The following PCDH9 variants were observed in gnomAD, a reference collection of about 807,000 sequenced individuals.
The protein encoded by PCDH9 is protocadherin 9, also known as protocadherin-9.
PCDH9 carries 24 observed loss-of-function variants against 70.6 expected under a neutral mutation model. The observed-to-expected ratio is 0.34, with a 90% CI of 0.25 to 0.48. The LOEUF is 0.48. Ranked by LOEUF, PCDH9 falls within the 20% of genes least tolerant of loss-of-function variation. The pLI, the probability that PCDH9 is intolerant of heterozygous loss-of-function variation, is 0.99. For synonymous variants in PCDH9, 562 were observed against 558.5 expected (o/e 1.01, Z -0.09); for missense variants, 1,281 against 1,503.6 (o/e 0.85, Z 2.45).
chr13:67,141,165 G>A (rs572241935), intron 2 of PCDH9, among the ~76,000 whole-genome samples: 219 of 152,230 alleles, frequency 1.4e-3, no homozygotes, highest in Non-Finnish European at 2.7e-3. Context: ...AAAGCCTTAC[G>A]ATAGACAAAA....
At chr13:67,051,537 T>G (rs1318477415) in intron 2 of PCDH9, among the ~76,000 whole-genome samples, 1 of 151,554 alleles carries the variant, frequency 6.6e-6, no homozygotes, top group Non-Finnish European at 1.5e-5. Context: ...GGATTACAGG[T>G]GCGTGCCACC....
At chr13:66,991,098 C>G (rs1007072479) in intron 2 of PCDH9, 1 of 151,970 alleles carries the variant, frequency 6.6e-6, no homozygotes, top group African/African-American at 2.4e-5. Flanking sequence ...GGACCAGAGT[C>G]GGTAATATAT....
At chr13:66,447,820 A>G (rs1958125316) in intron 4 of PCDH9, among the ~76,000 whole-genome samples, 2 of 152,208 alleles carry the variant, frequency 1.3e-5, no homozygotes, top group Admixed American at 6.5e-5. Flanking sequence ...GTAAAACATA[A>G]TTAGATTATT....
chr13:66,753,579 T>A (rs2079493313), intron 3 of PCDH9, among the ~76,000 whole-genome samples: 1 of 152,186 alleles, frequency 6.6e-6, no homozygotes, highest in South Asian at 2.1e-4. Flanking sequence ...TGAGGTAATG[T>A]CATTCAATCA....
At chr13:66,681,537 G>A (rs1174234353) in intron 3 of PCDH9, among the ~76,000 whole-genome samples, 1 of 151,918 alleles carries the variant, frequency 6.6e-6, no homozygotes, top group African/African-American at 2.4e-5. Context: ...AATCTCCACA[G>A]TCTCCCCACA....
chr13:66,527,040 TC>T (rs1178771636), intron 4 of PCDH9, among the ~76,000 whole-genome samples: 1 of 152,164 alleles, frequency 6.6e-6, no homozygotes, highest in Non-Finnish European at 1.5e-5. Flanking sequence ...ATTTCTATAG[TC>T]CTAGGCCTGC....
intron 4 of PCDH9, among the ~76,000 whole-genome samples, chr13:66,623,860 C>T (rs372880417): frequency 7.2e-5 from 11 of 152,034 alleles, no homozygotes; most frequent in African/African-American, 2.7e-4. Flanking sequence ...ACAAGAATTC[C>T]TGGGTCATAA....
chr13:66,976,149 G>C (rs554173246), intron 2 of PCDH9, among the ~76,000 whole-genome samples: 4 of 152,046 alleles, frequency 2.6e-5, no homozygotes, highest in South Asian at 2.1e-4. Flanking sequence ...GCTGCCTACT[G>C]TCTCATCCAA....
rs544917245 is a variant in PCDH9 at position 67,076,812 on chromosome 13, A to T, written c.3036+148593T>A. Among the ~76,000 whole-genome samples, 5 of 152,306 alleles carry T rather than the reference A, an allele frequency of 3.3e-5. No homozygotes were observed. The South Asian group carries it at 1.0e-3, about 32-fold the overall frequency. On this transcript the variant is annotated intron_variant, in intron 2 of 4. Coordinates refer to ENST00000377865, the MANE Select transcript of PCDH9 (RefSeq NM_203487.3). ...CAGATCACCGGCCCCACTCAATGGA[A>T]TGCACAATATAGTTTAATTTTCCTA... is the stretch of plus-strand genomic sequence containing the variant.
At chr13:66,497,126 G>T (rs1055395901) in intron 4 of PCDH9, among the ~76,000 whole-genome samples, 1 of 151,648 alleles carries the variant, frequency 6.6e-6, no homozygotes, top group African/African-American at 2.4e-5. Context: ...GAAGTGTAAT[G>T]GCGGGATCTT....
chr13:66,620,588 G>T (rs1284353097), intron 4 of PCDH9, among the ~76,000 whole-genome samples: 2 of 151,816 alleles, frequency 1.3e-5, no homozygotes, highest in Non-Finnish European at 1.5e-5. Flanking sequence ...CTTTATCCAA[G>T]GCTTATTCTA....
intron 4 of PCDH9, among the ~76,000 whole-genome samples, chr13:66,348,401 CTTT>C (rs58647614): frequency 2.1e-5 from 3 of 145,222 alleles, no homozygotes; most frequent in Non-Finnish European, 3.0e-5. Flanking sequence ...ATTTTCTTTT[CTTT>C]TTTTTTTTTT....
chr13:66,632,672 A>G (rs1176456851), intron 3 of PCDH9, among the ~76,000 whole-genome samples: 2 of 152,148 alleles, frequency 1.3e-5, no homozygotes, highest in African/African-American at 2.4e-5. Context: ...TTTAGCTGCT[A>G]TGATCTCTGA....
intron 2 of PCDH9, among the ~76,000 whole-genome samples, chr13:66,944,932 G>C (rs1393576298): frequency 6.6e-6 from 1 of 151,168 alleles, no homozygotes; most frequent in Non-Finnish European, 1.5e-5. Flanking sequence ...CCTAAATTCT[G>C]AGTTGATTAT....
intron 3 of PCDH9, among the ~76,000 whole-genome samples, chr13:66,710,057 TAAG>T (rs2078771663): frequency 6.6e-6 from 1 of 152,144 alleles, no homozygotes; most frequent in Non-Finnish European, 1.5e-5. Context: ...TGTCAGCTAT[TAAG>T]AGAAGTTTAC....
At chr13:66,616,008 A>G (rs780376976) in intron 4 of PCDH9, among the ~76,000 whole-genome samples, 20 of 152,218 alleles carry the variant, frequency 1.3e-4, no homozygotes, top group Non-Finnish European at 2.9e-4. Flanking sequence ...CTGGAAGGCT[A>G]TTCTGCCCTT....
Position 66,977,219 on chromosome 13 carries a change from A to T in PCDH9, c.3037-73614T>A, listed in dbSNP as rs1390436686. On this transcript the variant is annotated intron_variant, in intron 2 of 4. Transcript: ENST00000377865. ...AATATATACCATCTATATGCTTGACATTTGGGGGATCTCGTCTAATTTTCA... is the reference window on the plus strand; with the variant it reads ...AATATATACCATCTATATGCTTGACTTTTGGGGGATCTCGTCTAATTTTCA... Among the ~76,000 whole-genome samples the T allele has an allele frequency of 2.6e-5, 4 of 152,104 alleles. No individual in the cohort carries two copies. In the East Asian group the frequency reaches 7.7e-4, roughly 29 times the overall value.
intron 3 of PCDH9, among the ~76,000 whole-genome samples, chr13:66,675,644 T>G (rs1306335336): frequency 6.6e-6 from 1 of 152,128 alleles, no homozygotes; most frequent in East Asian, 1.9e-4. Context: ...GCCTTTTCCC[T>G]AAAGCAATCA....
At chr13:66,820,468 T>C (rs1485988367) in intron 3 of PCDH9, among the ~76,000 whole-genome samples, 1 of 152,130 alleles carries the variant, frequency 6.6e-6, no homozygotes, top group Non-Finnish European at 1.5e-5. Context: ...AAGACAGAAA[T>C]GCCATTCGAC....
Sources: allele counts gnomAD v4.1 joint callset (sites outside exome capture counted in the v4.1 genomes callset), GRCh38; gene constraint gnomAD v4.1.1; transcripts MANE v1.5; gene names NCBI Gene and HGNC (gene_info 2026-07-23, HGNC 2026-07-21).